The following MVB12B variants were observed in gnomAD, a reference collection of about 807,000 sequenced individuals.
MVB12B encodes ESCRT-I complex subunit MVB12B.
Under a neutral mutation model 41.6 loss-of-function variants are expected in MVB12B, and 16 were observed. The observed-to-expected ratio is 0.38, with a 90% CI of 0.26 to 0.58. MVB12B has a LOEUF of 0.58. MVB12B is among the 20% of genes least tolerant of loss of function. The pLI, the probability that MVB12B is intolerant of heterozygous loss-of-function variation, is 0.62. For missense variants in MVB12B, 274 were observed against 380.2 expected (o/e 0.72, Z 2.32); for synonymous variants, 133 against 139.7 (o/e 0.95, Z 0.34).
intron 6 of MVB12B, among the ~76,000 whole-genome samples, chr9:126,413,986 A>G (rs1564318295): frequency 6.6e-6 from 1 of 152,204 alleles, no homozygotes; most frequent in Non-Finnish European, 1.5e-5. Context: ...CCTGGGCAGA[A>G]CCATCTTCAT....
At chr9:126,381,746 T>TA (rs1056080537) in intron 3 of MVB12B, among the ~76,000 whole-genome samples, 14 of 151,644 alleles carry the variant, frequency 9.2e-5, no homozygotes, top group South Asian at 4.2e-4. Context: ...GTTTTTTTTT[T>TA]AAAAACATCT....
chr9:126,494,452 C>G (rs866608122), intron 9 of MVB12B, among the ~76,000 whole-genome samples: 56 of 152,332 alleles, frequency 3.7e-4, no homozygotes, highest in African/African-American at 1.3e-3. Context: ...GTTTGCCAGG[C>G]AGAACCACCT....
intron 6 of MVB12B, chr9:126,396,911 A>G: frequency 2.0e-6 from 2 of 985,514 alleles, no homozygotes; most frequent in South Asian, 9.4e-5. Flanking sequence ...CGCACTGCCC[A>G]TCAGCACTTG....
intron 7 of MVB12B, among the ~76,000 whole-genome samples, chr9:126,443,264 G>C (rs1456644626): frequency 6.6e-6 from 1 of 152,158 alleles, no homozygotes; most frequent in East Asian, 1.9e-4. Flanking sequence ...GCAAAATGAA[G>C]CTGTTGGACA....
intron 3 of MVB12B, among the ~76,000 whole-genome samples, chr9:126,385,356 AAG>A (rs750439657): frequency 2.0e-5 from 3 of 152,174 alleles, no homozygotes; most frequent in African/African-American, 2.4e-5. Context: ...GGAAGGGAAA[AAG>A]AGAGTGCCAA....
At chr9:126,498,511 G>A (rs147948533) in intron 9 of MVB12B, among the ~76,000 whole-genome samples, 31 of 152,332 alleles carry the variant, frequency 2.0e-4, no homozygotes, top group African/African-American at 6.3e-4. Flanking sequence ...TGATTCACCC[G>A]TGAGCTCACT....
Position 126,499,238 on chromosome 9 carries a change from G to C in MVB12B, c.874-3939G>C, listed in dbSNP as rs532464068. On this transcript the variant is annotated intron_variant, in intron 9 of 9. Coordinates refer to ENST00000361171, the MANE Select transcript of MVB12B (RefSeq NM_033446.3). ...GAGACGCCTGCTTCCATCAGTGGCA[G>C]GGTCCCCGGGACCCCTGGCAGAGCC... 2.0e-5 allele frequency among the ~76,000 whole-genome samples: 3 copies of C among 152,220 alleles called. No individual in the cohort carries two copies. The South Asian group carries it at 6.2e-4, about 32-fold the overall frequency.
chr9:126,502,732 C>T (rs1043552319), intron 9 of MVB12B, among the ~76,000 whole-genome samples: 1 of 152,202 alleles, frequency 6.6e-6, no homozygotes, highest in Non-Finnish European at 1.5e-5. Flanking sequence ...TATCAGGGGT[C>T]CCTAGAGCCT....
rs551358991 is a variant in MVB12B, at chr9:126,418,216, C to G, written c.663-3638C>G. The stretch of plus-strand genomic sequence containing the variant: ...ATCATCTCCAACGAGGGAAGAGAAC[C>G]TGGGGCGGGGGTTGAGTTGCAGAGC... On this transcript the variant is annotated intron_variant, in intron 6 of 9. Transcript: ENST00000361171. Among the ~76,000 whole-genome samples the G allele has an allele frequency of 2.3e-3, 355 of 151,754 alleles. 2 individuals are homozygous for G. Among genetic ancestry groups the G allele is most frequent in the South Asian group, 0.02 (98 of 4,790 alleles).
chr9:126,387,462 T>C (rs1285837348), intron 4 of MVB12B, among the ~76,000 whole-genome samples: 1 of 152,238 alleles, frequency 6.6e-6, no homozygotes, highest in African/African-American at 2.4e-5. Flanking sequence ...TACTTTATTC[T>C]TTCATAATTA....
chr9:126,367,844 C>G lies in MVB12B; in HGVS notation c.205-13220C>G, dbSNP rs1052315913. 6.6e-6 allele frequency among the ~76,000 whole-genome samples: 1 copy of G among 152,200 alleles called. No homozygotes were observed. Among genetic ancestry groups the G allele is most frequent in the African/African-American group, 2.4e-5 (1 of 41,460 alleles). The stretch of plus-strand genomic sequence containing the variant: ...ACCCAGGTCTCCTGCCTCTGTGTGG[C>G]TCTCTTCCCTGCGCCCTCACTCCTG... On this transcript the variant is annotated intron_variant, in intron 2 of 9. Transcript: ENST00000361171. This position sits in a 1 kb window ranked among gnomAD's most constrained non-coding sequence, Gnocchi z 4.3.
Position 126,468,179 on chromosome 9 carries a change from C to T in MVB12B, c.758-13190C>T, listed in dbSNP as rs909787663. Among the ~76,000 whole-genome samples the T allele has an allele frequency of 6.6e-6, 1 of 152,220 alleles. No individual in the cohort carries two copies. Among genetic ancestry groups the T allele is most frequent in the African/African-American group, 2.4e-5 (1 of 41,444 alleles). ...AGCTCTGTCCCAGGTCTGCCTCTCTCACCATGTTCCAGAATATTTCATCTT... is the reference window on the plus strand; with the variant it reads ...AGCTCTGTCCCAGGTCTGCCTCTCTTACCATGTTCCAGAATATTTCATCTT... On this transcript the variant is annotated intron_variant, in intron 7 of 9. Coordinates refer to ENST00000361171, the MANE Select transcript of MVB12B (RefSeq NM_033446.3). This position sits in a 1 kb window ranked among gnomAD's most constrained non-coding sequence, Gnocchi z 4.3.
intron 1 of MVB12B, among the ~76,000 whole-genome samples, chr9:126,334,148 G>A (rs1246809002): frequency 6.6e-6 from 1 of 152,194 alleles, no homozygotes; most frequent in Non-Finnish European, 1.5e-5. Context: ...TAGCCTCAGT[G>A]CTTAGCCCAA....
chr9:126,444,376 ATTTT>A (rs572602097), intron 7 of MVB12B, among the ~76,000 whole-genome samples: 9 of 147,742 alleles, frequency 6.1e-5, no homozygotes, highest in African/African-American at 1.2e-4. Flanking sequence ...CTAACTGGTA[ATTTT>A]TTTTTTTTAA....
chr9:126,339,587 CCCTCCCTTT>C (rs1428411667), intron 1 of MVB12B, among the ~76,000 whole-genome samples: 1 of 152,144 alleles, frequency 6.6e-6, no homozygotes, highest in Non-Finnish European at 1.5e-5. Flanking sequence ...ATTCCATTTT[CCCTCCCTTT>C]CTCTCAAAGT....
Position 126,421,222 on chromosome 9 carries a change from A to G in MVB12B, c.663-632A>G, listed in dbSNP as rs531936651. 3.3e-5 allele frequency among the ~76,000 whole-genome samples: 5 copies of G among 152,378 alleles called. No individual in the cohort carries two copies. In the South Asian group the frequency reaches 8.3e-4, roughly 25 times the overall value. ...AGCTTTAATGACTCACACCTGAGCC[A>G]TCAAAGACTGTGCTGTATCTGTCTG... On this transcript the variant is annotated intron_variant, in intron 6 of 9. Transcript: ENST00000361171.
At chr9:126,396,153 G>A in intron 6 of MVB12B, 2 of 989,584 alleles carry the variant, frequency 2.0e-6, no homozygotes, top group Non-Finnish European at 2.4e-6. Flanking sequence ...GTAAGAAATG[G>A]GTAGTTTGGG....
rs577593488 is a variant in MVB12B, at chr9:126,340,234, T to C, written c.82-274T>C. Reference sequence around the variant, plus strand: ...GATGGCGGAGTTAAGAATGACGTGCTCTTGGGTTTGAGTCAAGCTCACCTC... The same window carrying C: ...GATGGCGGAGTTAAGAATGACGTGCCCTTGGGTTTGAGTCAAGCTCACCTC... On this transcript the variant is annotated intron_variant, in intron 1 of 9. Coordinates refer to ENST00000361171, the MANE Select transcript of MVB12B (RefSeq NM_033446.3). The surrounding 1 kb of genome is among the most constrained non-coding windows in gnomAD (Gnocchi z 4.0). 3.5e-4 allele frequency among the ~76,000 whole-genome samples: 53 copies of C among 152,046 alleles called. No homozygotes were observed. Among genetic ancestry groups the C allele is most frequent in the Non-Finnish European group, 6.3e-4 (43 of 68,016 alleles).
chr9:126,397,449 G>A (rs1445820391), intron 6 of MVB12B: 7 of 985,308 alleles, frequency 7.1e-6, no homozygotes, highest in Non-Finnish European at 8.4e-6. Context: ...CACCTCTGCT[G>A]TACAGTTTAT....
Sources: gnomAD v4.1 joint callset for allele counts (sites outside exome capture counted in the v4.1 genomes callset) on GRCh38, gnomAD v4.1.1 for gene constraint, Gnocchi (gnomAD v3.1) non-coding constraint, MANE v1.5 for transcripts, NCBI Gene and HGNC (gene_info 2026-07-23, HGNC 2026-07-21) for gene names.